Variants in CASD1 observed in about 807,000 individuals in gnomAD.
CASD1 encodes the protein N-acetylneuraminate (7)9-O-acetyltransferase.
In CASD1, 41 loss-of-function variants were observed where a neutral mutation model predicts 100.0. That is an observed-to-expected ratio of 0.41 (90% confidence interval 0.32 to 0.53). The LOEUF (loss-of-function observed/expected upper bound fraction) is 0.53. Among genes scored for constraint, CASD1 ranks in the 20% least tolerant of loss-of-function variants. The pLI is 0.25. For synonymous variants in CASD1, 321 were observed against 315.6 expected, an observed-to-expected ratio of 1.02 and a Z score of -0.18; for missense variants, 774 against 948.7, an observed-to-expected ratio of 0.82 and a Z score of 2.42.
At chr7:94,588,995 G>A in the CASD1 span, 7 of 468,926 alleles carry the variant, frequency 1.5e-5, no homozygotes, top group South Asian at 1.6e-4. Flanking sequence ...TAAGAGGTAG[G>A]TGTTAATATT....
intron 10 of CASD1, among the ~76,000 whole-genome samples, chr7:94,542,022 A>G (rs141981425): frequency 1.3e-5 from 2 of 152,330 alleles, no homozygotes; most frequent in Non-Finnish European, 2.9e-5. Context: ...CAATAGGCCA[A>G]CATTGGCAGG....
intron 12 of CASD1, 53 bp from the exon 13 acceptor site, chr7:94,547,043 A>G (rs1795716099): frequency 9.0e-7 from 1 of 1,109,048 alleles, no homozygotes; most frequent in Non-Finnish European, 1.3e-6. Flanking sequence ...AGTATTTAAT[A>G]TGTTGTCTAA....
At chr7:94,562,397 A>C in the CASD1 span, among the ~76,000 whole-genome samples, 1 of 152,172 alleles carries the variant, frequency 6.6e-6, no homozygotes, top group Non-Finnish European at 1.5e-5. Context: ...AGTCAGGATG[A>C]TCAAGAGTCA....
chr7:94,616,221 T>G, the CASD1 span, among the ~76,000 whole-genome samples: 1 of 152,134 alleles, frequency 6.6e-6, no homozygotes, highest in Admixed American at 6.6e-5. Flanking sequence ...TACTCTGAGG[T>G]TCTACTACTG....
At chr7:94,602,657 CATATA>C in the CASD1 span, among the ~76,000 whole-genome samples, 3,117 of 151,778 alleles carry the variant, frequency 0.021, 66 homozygotes, top group Non-Finnish European at 0.028. Flanking sequence ...TATATACAGA[CATATA>C]ATATAAAATA....
chr7:94,567,076 T>C, the CASD1 span, among the ~76,000 whole-genome samples: 2 of 152,160 alleles, frequency 1.3e-5, no homozygotes, highest in Non-Finnish European at 2.9e-5. Flanking sequence ...ACATTTATTC[T>C]GCTAACTGTG....
the CASD1 span, among the ~76,000 whole-genome samples, chr7:94,572,019 A>T: frequency 1.1e-3 from 160 of 152,308 alleles, no homozygotes; most frequent in African/African-American, 3.8e-3. Flanking sequence ...TAGAGAAGGA[A>T]TTCTCTCAAA....
At chr7:94,524,010 C>T (rs1324852529) in intron 3 of CASD1, among the ~76,000 whole-genome samples, 1 of 151,928 alleles carries the variant, frequency 6.6e-6, no homozygotes, top group Non-Finnish European at 1.5e-5. Context: ...AAATTGGATT[C>T]CTACCTCACA....
At chr7:94,576,339 G>A in the CASD1 span, among the ~76,000 whole-genome samples, 1 of 152,120 alleles carries the variant, frequency 6.6e-6, no homozygotes, top group Non-Finnish European at 1.5e-5. Context: ...TTCAGGCCTG[G>A]CCATTGGCTG....
chr7:94,539,523 G>C (rs1332677665), intron 10 of CASD1, among the ~76,000 whole-genome samples: 1 of 151,970 alleles, frequency 6.6e-6, no homozygotes, highest in East Asian at 1.9e-4. Context: ...ACAAAAACTA[G>C]CCAGGCATGG....
chr7:94,521,349 ATG>A (rs1327267455), intron 3 of CASD1, among the ~76,000 whole-genome samples: 2 of 152,234 alleles, frequency 1.3e-5, no homozygotes, highest in Non-Finnish European at 2.9e-5. Context: ...AATAGTAAAA[ATG>A]TATATAAATC....
the CASD1 span, among the ~76,000 whole-genome samples, chr7:94,586,061 GAAAAAAA>G: frequency 2.8e-4 from 8 of 28,908 alleles, no homozygotes; most frequent in African/African-American, 6.0e-4. Flanking sequence ...GGAACTAAAT[GAAAAAAA>G]AAAAAAAAAA....
At chr7:94,522,441 A>G (rs1794328594) in intron 3 of CASD1, among the ~76,000 whole-genome samples, 1 of 152,242 alleles carries the variant, frequency 6.6e-6, no homozygotes, top group Admixed American at 6.5e-5. Context: ...AAGCAAAAAT[A>G]TAACTACAAG....
At chr7:94,587,317 A>G in the CASD1 span, 6 of 996,962 alleles carry the variant, frequency 6.0e-6, no homozygotes, top group Non-Finnish European at 7.2e-6. Flanking sequence ...CCTAGTGGGT[A>G]AGTAAGTAAA....
At chr7:94,628,396 T>C in the CASD1 span, 1 of 1,525,260 alleles carries the variant, frequency 6.6e-7, no homozygotes, top group Non-Finnish European at 9.1e-7. Context: ...ATAAGACAGT[T>C]ATTTTCACAC....
intron 14 of CASD1, among the ~76,000 whole-genome samples, chr7:94,551,032 A>AGGAG (rs1795923058): frequency 6.6e-6 from 1 of 152,100 alleles, no homozygotes; most frequent in Admixed American, 6.6e-5. Flanking sequence ...ATATGTCTGT[A>AGGAG]GGAGAGTTCC....
chr7:94,553,336 C>T (rs752914803), intron 16 of CASD1, among the ~76,000 whole-genome samples: 16 of 152,076 alleles, frequency 1.1e-4, no homozygotes, highest in Non-Finnish European at 1.8e-4. Flanking sequence ...TGCCACAAGT[C>T]CCAGGACTAA....
chr7:94,632,315 A>T, the CASD1 span, among the ~76,000 whole-genome samples: 1 of 151,970 alleles, frequency 6.6e-6, no homozygotes. Flanking sequence ...ATATCATCTC[A>T]CTTCAAGAAC....
chr7:94,603,400 C>A, the CASD1 span: 2 of 1,613,366 alleles, frequency 1.2e-6, no homozygotes, highest in Non-Finnish European at 1.7e-6. Context: ...GGATTTTCAA[C>A]TTCTCGTAAA....
Sources: gnomAD v4.1 joint callset for allele counts (sites outside exome capture counted in the v4.1 genomes callset) on GRCh38, gnomAD v4.1.1 for gene constraint, MANE v1.5 for transcripts, NCBI Gene and HGNC (gene_info 2026-07-23, HGNC 2026-07-21) for gene names.